The following MAP4 variants were observed in gnomAD, a reference collection of about 807,000 sequenced individuals.
MAP4 encodes microtubule-associated protein 4.
Under a neutral mutation model 170.2 loss-of-function variants are expected in MAP4, and 76 were observed. The observed-to-expected ratio is 0.45, with a 90% confidence interval of 0.37 to 0.54. MAP4 has a LOEUF of 0.54. Ranked by LOEUF, MAP4 falls within the 20% of genes least tolerant of loss-of-function variation. MAP4 has a pLI of 0.00. For missense variants in MAP4, 2,506 were observed against 2,748.0 expected, an observed-to-expected ratio of 0.91 and a Z score of 1.97; for synonymous variants, 909 against 994.5, an observed-to-expected ratio of 0.91 and a Z score of 1.62.
At chr3:47,937,856 T>C (rs1462769473) in intron 3 of MAP4, among the ~76,000 whole-genome samples, 2 of 150,626 alleles carry the variant, frequency 1.3e-5, no homozygotes, top group East Asian at 3.9e-4. Flanking sequence ...GAGACGAGGT[T>C]TCACCATGTT....
intron 6 of MAP4, among the ~76,000 whole-genome samples, chr3:47,917,613 A>G (rs901228260): frequency 2.0e-5 from 3 of 151,588 alleles, no homozygotes; most frequent in Non-Finnish European, 4.4e-5. Context: ...AAGAAGAAGA[A>G]GCTAATGTCA....
At chr3:47,871,575 G>A (rs144860225) in intron 13 of MAP4, among the ~76,000 whole-genome samples, 4 of 152,188 alleles carry the variant, frequency 2.6e-5, no homozygotes, top group African/African-American at 9.6e-5. Flanking sequence ...TGAGCACCAC[G>A]CCCTCTTCTT....
intron 10 of MAP4, among the ~76,000 whole-genome samples, chr3:47,880,534 C>T (rs1259686653): frequency 1.4e-5 from 2 of 144,468 alleles, no homozygotes; most frequent in East Asian, 4.1e-4. Context: ...GGCATGATCA[C>T]AGCTCACTGC....
At chr3:47,993,953 C>T (rs1412502717) in intron 2 of MAP4, among the ~76,000 whole-genome samples, 1 of 152,182 alleles carries the variant, frequency 6.6e-6, no homozygotes, top group Non-Finnish European at 1.5e-5. Context: ...CTGTTCATTC[C>T]TTTCATCAAC....
intron 1 of MAP4, among the ~76,000 whole-genome samples, chr3:48,055,833 G>A (rs1395895593): frequency 2.2e-5 from 3 of 139,462 alleles, no homozygotes; most frequent in Non-Finnish European, 3.2e-5. Context: ...AGTCTGAGAC[G>A]TGGGGAGCGC....
Position 47,911,377 on chromosome 3 carries a change from T to A in MAP4, c.3044A>T (p.Glu1015Val), listed in dbSNP as rs770535976. Residue 1015 changes from glutamate (E) to valine (V), a missense_variant, in exon 9 of 21, where the codon GAA becomes GTA. Glu to Val is a moderately radical substitution (Grantham distance 121). Transcript: ENST00000683076. This position sits in a 1 kb window ranked among gnomAD's most constrained non-coding sequence, Gnocchi z 4.0. ...EFPEGAEEDKELKKEAFPNER... is the reference protein window; with the variant it reads ...EFPEGAEEDKVLKKEAFPNER... The stretch of plus-strand genomic sequence containing the variant: ...GTTGGGAAAAGCTTCCTTTTTTAGT[T>A]CTTTATCCTCTTCAGCTCCTTCAGG... 1.3e-6 allele frequency: 2 copies of A among 1,535,994 alleles called. No individual in the cohort carries two copies. Among genetic ancestry groups the A allele is most frequent in the African/African-American group, 1.4e-5 (1 of 73,030 alleles).
intron 1 of MAP4, among the ~76,000 whole-genome samples, chr3:48,061,030 A>G (rs948835580): frequency 3.3e-5 from 5 of 151,918 alleles, no homozygotes; most frequent in Admixed American, 6.6e-5. Flanking sequence ...TATTTTTAGT[A>G]GAGATGGGGT....
upstream of MAP4, among the ~76,000 whole-genome samples, chr3:48,020,790 T>A (rs976191143): frequency 4.6e-5 from 7 of 152,098 alleles, no homozygotes; most frequent in Non-Finnish European, 8.8e-5. Flanking sequence ...TTTGTTGTTG[T>A]TGTTTTGTTT....
At chr3:47,981,157 G>A (rs1304249093) in intron 2 of MAP4, among the ~76,000 whole-genome samples, 4 of 152,074 alleles carry the variant, frequency 2.6e-5, no homozygotes, top group African/African-American at 7.2e-5. Flanking sequence ...AACAACAAAT[G>A]TCCACCAACA....
At chr3:47,915,746 T>G (rs377658491) in intron 7 of MAP4, among the ~76,000 whole-genome samples, 2 of 152,014 alleles carry the variant, frequency 1.3e-5, no homozygotes, top group East Asian at 3.9e-4. Context: ...AACAGGACAA[T>G]CAGCAGAGAA....
intron 10 of MAP4, among the ~76,000 whole-genome samples, chr3:47,881,234 A>G (rs911949379): frequency 6.6e-6 from 1 of 151,286 alleles, no homozygotes; most frequent in Admixed American, 6.6e-5. Flanking sequence ...GGATCACTTG[A>G]GGCCAGCAGT....
chr3:48,012,787 G>C (rs2100105939), intron 1 of MAP4, among the ~76,000 whole-genome samples: 1 of 152,086 alleles, frequency 6.6e-6, no homozygotes, highest in Admixed American at 6.6e-5. Flanking sequence ...AAAGTGGGAA[G>C]GTCATGAAGC....
intron 3 of MAP4, among the ~76,000 whole-genome samples, chr3:47,940,407 A>T (rs537800299): frequency 1.3e-5 from 2 of 152,352 alleles, no homozygotes; most frequent in East Asian, 3.9e-4. Flanking sequence ...GCATACTTGC[A>T]ATCTACTCAG....
In MAP4 at chr3:47,998,724, T is replaced by A; in HGVS notation, c.137A>T (p.Asp46Val). 2 of 1,614,158 alleles carry A rather than the reference T, an allele frequency of 1.2e-6. No homozygotes were observed. Among genetic ancestry groups the A allele is most frequent in the South Asian group, 2.2e-5 (2 of 91,086 alleles). ...DVVGETVGKT[D>V]YIPLLDVDEK... ...ATCAACATCCAGGAGAGGAATATAG[T>A]CTGTTTTTCCAACAGTTTCTCCCAC... The change falls in exon 2 of 21, where the codon GAC (aspartate) becomes GTC (valine). Residue 46 changes from aspartate to valine, a missense_variant. Physicochemically the swap from Asp to Val is radical, Grantham distance 152. Transcript: ENST00000683076.
intron 10 of MAP4, chr3:47,890,989 C>A: frequency 7.0e-7 from 1 of 1,436,090 alleles, no homozygotes; most frequent in Non-Finnish European, 9.1e-7. Flanking sequence ...TTGCTGTCTG[C>A]TTGTTCCCAA....
rs1033571487 is a variant in MAP4, at chr3:47,855,351, T to A, written c.6593A>T (p.Asp2198Val). Reference sequence around the variant, plus strand: ...CAACTTCTGACTTTCAATCTTGACATCTCCTCCACCTGGAACCACAAAGGA... The same window carrying A: ...CAACTTCTGACTTTCAATCTTGACAACTCCTCCACCTGGAACCACAAAGGA... ...ANIKHKPGGG[D>V]VKIESQKLNF... is the part of the protein sequence containing the mutation. Residue 2198 changes from aspartate to valine, a missense_variant, in exon 19 of 21, where the codon GAT (aspartate) becomes GTT (valine). Asp to Val is a radical substitution (Grantham distance 152). This residue lies in a region of MAP4 where 487 missense variants were observed against 511.6 expected (regional missense o/e 0.95). Coordinates refer to ENST00000683076, the MANE Select transcript of MAP4 (RefSeq NM_001385682.1). The surrounding 1 kb of genome is among the most constrained non-coding windows in gnomAD (Gnocchi z 5.1). 27 of 1,609,694 alleles carry A rather than the reference T, an allele frequency of 1.7e-5. No homozygotes were observed. The highest frequency in any genetic ancestry group is 2.2e-5 in the Non-Finnish European group (26 of 1,176,092).
chr3:47,970,207 T>C (rs1210430039), intron 3 of MAP4, among the ~76,000 whole-genome samples: 2 of 152,214 alleles, frequency 1.3e-5, no homozygotes, highest in Non-Finnish European at 2.9e-5. Context: ...CTTTAAAAGC[T>C]GGGCATGGTG....
At chr3:47,871,711 A>G (rs2092825433) in intron 13 of MAP4, among the ~76,000 whole-genome samples, 1 of 152,210 alleles carries the variant, frequency 6.6e-6, no homozygotes, top group Non-Finnish European at 1.5e-5. Flanking sequence ...TTCTGAATAC[A>G]TACAACTGCT....
At chr3:47,885,883 C>A (rs561352942) in intron 10 of MAP4, among the ~76,000 whole-genome samples, 1 of 152,150 alleles carries the variant, frequency 6.6e-6, no homozygotes, top group Non-Finnish European at 1.5e-5. Flanking sequence ...CGCCTGCCAC[C>A]ACGCCCAACT....
Sources: gnomAD v4.1 joint callset for allele counts (sites outside exome capture counted in the v4.1 genomes callset) on GRCh38, gnomAD v4.1.1 for gene constraint, gnomAD v4.1.1 regional missense constraint, Gnocchi (gnomAD v3.1) non-coding constraint, MANE v1.5 for transcripts, NCBI Gene and HGNC (gene_info 2026-07-23, HGNC 2026-07-21) for gene names.